RGS7: variants seen among roughly 807,000 people sequenced by gnomAD.
The protein encoded by RGS7 is regulator of G-protein signaling 7.
RGS7 carries 27 observed loss-of-function variants against 81.1 expected under a neutral mutation model. That is an observed-to-expected ratio of 0.33 (90% CI 0.25 to 0.46). RGS7 has a LOEUF of 0.46. Ranked by LOEUF, RGS7 falls within the 20% of genes least tolerant of loss-of-function variation. The pLI is 1.00. For synonymous variants in RGS7, 208 were observed against 207.7 expected, an observed-to-expected ratio of 1.00 and a Z score of -0.01; for missense variants, 396 against 607.4, an observed-to-expected ratio of 0.65 and a Z score of 3.66.
chr1:240,839,972 C>T (rs554247109), intron 9 of RGS7, among the ~76,000 whole-genome samples: 2 of 152,240 alleles, frequency 1.3e-5, no homozygotes, highest in East Asian at 3.9e-4. Context: ...GCGCATCATG[C>T]AAACTTTACC....
intron 2 of RGS7, among the ~76,000 whole-genome samples, chr1:241,230,382 T>C (rs2075585902): frequency 6.6e-6 from 1 of 151,920 alleles, no homozygotes; most frequent in South Asian, 2.1e-4. Flanking sequence ...CCTGACTAAT[T>C]TTTGTATTTT....
intron 3 of RGS7, among the ~76,000 whole-genome samples, chr1:241,059,346 G>A (rs2061631272): frequency 1.3e-5 from 2 of 152,138 alleles, no homozygotes; most frequent in African/African-American, 4.8e-5. Flanking sequence ...GTGGTAAAAA[G>A]TGATAACTTA....
intron 2 of RGS7, among the ~76,000 whole-genome samples, chr1:241,167,888 G>A (rs1172319256): frequency 2.6e-5 from 4 of 152,082 alleles, no homozygotes; most frequent in Admixed American, 2.6e-4. Flanking sequence ...CGGACAAAGA[G>A]CCAGGTCTGT....
chr1:240,842,151 GAAGC>G (rs1395218950), intron 9 of RGS7, among the ~76,000 whole-genome samples: 1 of 148,214 alleles, frequency 6.7e-6, no homozygotes, highest in Non-Finnish European at 1.5e-5. Context: ...TAATCCCATA[GAAGC>G]AAGGGACTGG....
intron 6 of RGS7, among the ~76,000 whole-genome samples, chr1:240,930,222 CTTTTTTTT>C (rs10676730): frequency 2.6e-5 from 3 of 113,890 alleles, no homozygotes; most frequent in Non-Finnish European, 5.2e-5. Context: ...TCTTTTTTAG[CTTTTTTTT>C]TTTTTTTTTT....
chr1:240,964,670 T>C (rs1184514302), intron 4 of RGS7, among the ~76,000 whole-genome samples: 1 of 152,198 alleles, frequency 6.6e-6, no homozygotes, highest in Admixed American at 6.5e-5. Context: ...GCATTAACAA[T>C]TTATTAAACG....
intron 3 of RGS7, among the ~76,000 whole-genome samples, chr1:240,983,826 G>A (rs539258857): frequency 6.6e-6 from 1 of 152,208 alleles, no homozygotes; most frequent in South Asian, 2.1e-4. Flanking sequence ...CTTGAAGCAG[G>A]GTGTCATATT....
chr1:241,350,921 C>T (rs2083208694), intron 2 of RGS7, among the ~76,000 whole-genome samples: 1 of 152,110 alleles, frequency 6.6e-6, no homozygotes, highest in South Asian at 2.1e-4. Context: ...ATCTGTGGCC[C>T]AGTCTCTTCC....
chr1:240,835,301 C>G (rs11799484), intron 9 of RGS7, among the ~76,000 whole-genome samples: 8,860 of 152,208 alleles, frequency 0.058, 331 homozygotes, highest in Middle Eastern at 0.078. Flanking sequence ...AGGCACCTCA[C>G]CAAAGAAAAT....
At chr1:241,086,140 T>C (rs755269101) in intron 3 of RGS7, among the ~76,000 whole-genome samples, 1 of 152,218 alleles carries the variant, frequency 6.6e-6, no homozygotes, top group Non-Finnish European at 1.5e-5. Flanking sequence ...CAAATATGTG[T>C]GTGAATAAAT....
At chr1:240,777,032 C>T (rs567021309) in intron 18 of RGS7, among the ~76,000 whole-genome samples, 17 of 152,332 alleles carry the variant, frequency 1.1e-4, no homozygotes, top group Admixed American at 7.8e-4. Context: ...CAGTGGCTCA[C>T]GCCTGTAATC....
chr1:241,094,106 C>A (rs1209640321), intron 3 of RGS7, among the ~76,000 whole-genome samples: 1 of 152,144 alleles, frequency 6.6e-6, no homozygotes, highest in Non-Finnish European at 1.5e-5. Flanking sequence ...GTACTCTCTG[C>A]CTTATCTTCT....
Position 240,827,166 on chromosome 1 carries a change from A to T in RGS7, c.616T>A (p.Cys206Ser). 6.2e-7 allele frequency: 1 copy of T among 1,612,902 alleles called. No homozygotes were observed. The highest frequency in any genetic ancestry group is 8.5e-7 in the Non-Finnish European group (1 of 1,178,862). The change falls in exon 10 of 19, where the codon TGT (cysteine) becomes AGT (serine). Residue 206 changes from cysteine to serine, a missense_variant. By Grantham distance (112) the Cys-to-Ser change is moderately radical. Coordinates refer to ENST00000440928, the MANE Select transcript of RGS7 (RefSeq NM_001364886.1). ...FWDVHRPVPG[C>S]VNTTEVDIKK... Reference sequence around the variant, plus strand: ...ATGTCCACTTCAGTTGTATTTACACATCCAGGCTGGGAATGGAAAAACAGA... The same window carrying T: ...ATGTCCACTTCAGTTGTATTTACACTTCCAGGCTGGGAATGGAAAAACAGA...
chr1:241,089,019 CCA>C (rs1491426352), intron 3 of RGS7, among the ~76,000 whole-genome samples: 17 of 105,056 alleles, frequency 1.6e-4, no homozygotes, highest in South Asian at 3.3e-4. Context: ...GAGCAAGACT[CCA>C]TCTCTCTCTC....
At chr1:240,976,240 C>T (rs760282857) in intron 4 of RGS7, among the ~76,000 whole-genome samples, 20 of 152,142 alleles carry the variant, frequency 1.3e-4, no homozygotes, top group Non-Finnish European at 2.2e-4. Flanking sequence ...GTTGCTGTGC[C>T]CCCAGAGTGA....
intron 3 of RGS7, among the ~76,000 whole-genome samples, chr1:241,070,113 C>G (rs1169136760): frequency 6.6e-6 from 1 of 152,196 alleles, no homozygotes; most frequent in East Asian, 1.9e-4. Context: ...GTGATCCACA[C>G]TTGTGCTCTG....
chr1:241,220,944 A>C (rs2074863155), intron 2 of RGS7, among the ~76,000 whole-genome samples: 1 of 135,628 alleles, frequency 7.4e-6, no homozygotes, highest in Non-Finnish European at 1.6e-5. Context: ...GGAAGGAAGG[A>C]AGAAGCAAGG....
intron 2 of RGS7, among the ~76,000 whole-genome samples, chr1:241,175,385 A>G (rs1049202825): frequency 1.3e-5 from 2 of 152,098 alleles, no homozygotes; most frequent in Admixed American, 6.6e-5. Flanking sequence ...ACAGATTTGG[A>G]TGGGACTTGT....
intron 2 of RGS7, among the ~76,000 whole-genome samples, chr1:241,101,943 C>T (rs1433001161): frequency 6.6e-6 from 1 of 152,188 alleles, no homozygotes; most frequent in Non-Finnish European, 1.5e-5. Context: ...CATCCCCTCT[C>T]AGTTCATGGG....
Sources: allele counts gnomAD v4.1 joint callset (sites outside exome capture counted in the v4.1 genomes callset), GRCh38; gene constraint gnomAD v4.1.1; transcripts MANE v1.5; gene names NCBI Gene and HGNC (gene_info 2026-07-23, HGNC 2026-07-21).